Variants in PELI2 observed in about 807,000 individuals in gnomAD.
PELI2 encodes the protein E3 ubiquitin-protein ligase pellino homolog 2.
A neutral mutation model predicts 42.3 loss-of-function variants in PELI2; 23 were observed. That is an observed-to-expected ratio of 0.54 (90% confidence interval 0.39 to 0.77). The LOEUF is 0.77. Among genes scored for constraint, PELI2 ranks in the 30% least tolerant of loss-of-function variants. The pLI is 0.00. For synonymous variants in PELI2, 245 were observed against 212.2 expected (o/e 1.15, Z -1.34); for missense variants, 463 against 553.2 (o/e 0.84, Z 1.64).
intron 2 of PELI2, among the ~76,000 whole-genome samples, chr14:56,248,855 C>T: frequency 6.6e-6 from 1 of 151,714 alleles, no homozygotes; most frequent in East Asian, 1.9e-4. Context: ...AAGGGCAGTC[C>T]ATGTGCTGCG....
chr14:56,246,952 C>A (rs553917381), intron 2 of PELI2, among the ~76,000 whole-genome samples: 12 of 152,314 alleles, frequency 7.9e-5, no homozygotes, highest in African/African-American at 2.9e-4. Flanking sequence ...TTCTCCACCC[C>A]AGTAACCATG....
At position 56,200,677 on chromosome 14, in the gene PELI2, G is replaced by A. The variant is rs376624788; in HGVS notation, c.207+22213G>A. ...AAATGCTGATGACTGTAAGTGAACAGCCTGTACTTCAGGCAAAGGTGATTC... is the reference window on the plus strand; with the variant it reads ...AAATGCTGATGACTGTAAGTGAACAACCTGTACTTCAGGCAAAGGTGATTC... On this transcript the variant is annotated intron_variant, in intron 2 of 5. Coordinates refer to ENST00000267460, the MANE Select transcript of PELI2 (RefSeq NM_021255.3). Among the ~76,000 whole-genome samples the A allele has an allele frequency of 1.4e-4, 21 of 152,326 alleles. 1 individual carries two copies. Among genetic ancestry groups the A allele is most frequent in the Admixed American group, 8.5e-4 (13 of 15,306 alleles).
intron 5 of PELI2, among the ~76,000 whole-genome samples, chr14:56,293,200 A>G (rs1295150152): frequency 1.3e-5 from 2 of 152,188 alleles, no homozygotes; most frequent in East Asian, 3.8e-4. Flanking sequence ...GGTTGAATTC[A>G]CTACCCTGTG....
intron 2 of PELI2, among the ~76,000 whole-genome samples, chr14:56,190,274 G>A (rs929323383): frequency 3.9e-5 from 6 of 152,096 alleles, no homozygotes; most frequent in African/African-American, 1.4e-4. Flanking sequence ...TTCTAAAATA[G>A]CATTGATAAT....
intron 2 of PELI2, among the ~76,000 whole-genome samples, chr14:56,244,791 G>A (rs1177412060): frequency 2.0e-5 from 3 of 152,172 alleles, no homozygotes; most frequent in African/African-American, 4.8e-5. Flanking sequence ...TTTCTTCATG[G>A]TCTTGATATG....
chr14:56,256,140 A>G (rs1201790168), intron 2 of PELI2, among the ~76,000 whole-genome samples: 2 of 152,128 alleles, frequency 1.3e-5, no homozygotes, highest in Non-Finnish European at 2.9e-5. Context: ...AAAAAATACC[A>G]TTTACACTCA....
At chr14:56,202,083 G>A (rs529383850) in intron 2 of PELI2, among the ~76,000 whole-genome samples, 2 of 152,326 alleles carry the variant, frequency 1.3e-5, no homozygotes, top group Non-Finnish European at 2.9e-5. Context: ...CAACTGCTAA[G>A]TGATGTTGGT....
chr14:56,274,854 G>C (rs1393774935), intron 2 of PELI2, among the ~76,000 whole-genome samples: 2 of 152,200 alleles, frequency 1.3e-5, no homozygotes, highest in African/African-American at 4.8e-5. Context: ...GCTGGATAAA[G>C]CTGAAATTCT....
chr14:56,294,128 T>G (rs1276571678), intron 5 of PELI2, among the ~76,000 whole-genome samples: 1 of 152,176 alleles, frequency 6.6e-6, no homozygotes, highest in Non-Finnish European at 1.5e-5. Context: ...GTATTAAGAT[T>G]TATCATTTGT....
At position 56,297,132 on chromosome 14, in the gene PELI2, G is replaced by C; in HGVS notation, c.1229G>C (p.Cys410Ser). 1 of 1,602,556 alleles carries C rather than the reference G, an allele frequency of 6.2e-7. No individual in the cohort carries two copies. The highest frequency in any genetic ancestry group is 1.1e-5 in the South Asian group (1 of 91,072). Reference sequence around the variant, plus strand: ...ACACAGCTGGTTGGGGAGCAAAACTGCATCAAATTAATTTTCCAAGGTCCA... The same window carrying C: ...ACACAGCTGGTTGGGGAGCAAAACTCCATCAAATTAATTTTCCAAGGTCCA... Reference protein sequence around the residue: ...CATQLVGEQNCIKLIFQGPID With the variant: ...CATQLVGEQNSIKLIFQGPID Residue 410 changes from cysteine to serine, a missense_variant, in exon 6 of 6, where the codon TGC becomes TCC. Cys to Ser is a moderately radical substitution (Grantham distance 112). Transcript: ENST00000267460.
intron 2 of PELI2, among the ~76,000 whole-genome samples, chr14:56,179,843 A>G (rs1594614772): frequency 6.6e-6 from 1 of 152,206 alleles, no homozygotes; most frequent in East Asian, 1.9e-4. Context: ...AATTTTGTCT[A>G]TTTGTTGACA....
At chr14:56,135,366 T>C (rs1883647411) in intron 1 of PELI2, among the ~76,000 whole-genome samples, 1 of 152,224 alleles carries the variant, frequency 6.6e-6, no homozygotes, top group African/African-American at 2.4e-5. Flanking sequence ...ATGGTGAGTA[T>C]CTGGCCGATT....
intron 5 of PELI2, among the ~76,000 whole-genome samples, chr14:56,295,409 A>T (rs2139908144): frequency 6.6e-6 from 1 of 151,786 alleles, no homozygotes; most frequent in Non-Finnish European, 1.5e-5. Context: ...CAGCCTCATC[A>T]AACTCCCTGT....
chr14:56,227,550 A>G (rs1229166962), intron 2 of PELI2, among the ~76,000 whole-genome samples: 2 of 152,256 alleles, frequency 1.3e-5, no homozygotes, highest in East Asian at 1.9e-4. Flanking sequence ...GGATTTCAGT[A>G]CGTGCAGACA....
chr14:56,250,738 T>C (rs940873586), intron 2 of PELI2, among the ~76,000 whole-genome samples: 3 of 151,994 alleles, frequency 2.0e-5, no homozygotes, highest in Non-Finnish European at 4.4e-5. Context: ...AGATTGAGAG[T>C]GGGTCTGCCT....
chr14:56,140,650 G>C (rs893801795), intron 1 of PELI2, among the ~76,000 whole-genome samples: 5 of 152,208 alleles, frequency 3.3e-5, no homozygotes, highest in African/African-American at 1.2e-4. Context: ...TCTCCTTATG[G>C]AATAACGGCA....
intron 2 of PELI2, among the ~76,000 whole-genome samples, chr14:56,242,578 T>A (rs1888012832): frequency 6.6e-6 from 1 of 152,124 alleles, no homozygotes; most frequent in Non-Finnish European, 1.5e-5. Flanking sequence ...CAACTTGCAA[T>A]TGCAAAAATG....
intron 2 of PELI2, among the ~76,000 whole-genome samples, chr14:56,255,226 G>C (rs552944412): frequency 3.9e-5 from 6 of 152,152 alleles, no homozygotes; most frequent in Non-Finnish European, 7.3e-5. Flanking sequence ...GCAAAGACTT[G>C]GAACCAACCC....
chr14:56,290,200 A>G (rs1889781422), intron 4 of PELI2, 68 bp from the exon 5 acceptor site: 6 of 1,296,260 alleles, frequency 4.6e-6, no homozygotes, highest in Non-Finnish European at 6.3e-6. Context: ...TATTAAAGAA[A>G]TTCCAGAATC....
Sources: gnomAD v4.1 joint callset for allele counts (sites outside exome capture counted in the v4.1 genomes callset) on GRCh38, gnomAD v4.1.1 for gene constraint, MANE v1.5 for transcripts, NCBI Gene and HGNC (gene_info 2026-07-23, HGNC 2026-07-21) for gene names.